The following LRBA variants were observed in gnomAD, a reference collection of about 807,000 sequenced individuals.
The protein encoded by LRBA is lipopolysaccharide-responsive and beige-like anchor protein.
LRBA carries 176 observed loss-of-function variants against 330.0 expected under a neutral mutation model. That is an observed-to-expected ratio of 0.53 (90% CI 0.47 to 0.60). The LOEUF is 0.60. LRBA is among the 20% of genes least tolerant of loss of function. The pLI, the probability that LRBA is intolerant of heterozygous loss-of-function variation, is 0.00. For missense variants in LRBA, 3,259 were observed against 3,444.8 expected (o/e 0.95, Z 1.35); for synonymous variants, 1,230 against 1,193.0 (o/e 1.03, Z -0.64).
chr4:150,298,486 A>C (rs920290804), intron 53 of LRBA, among the ~76,000 whole-genome samples: 4 of 152,106 alleles, frequency 2.6e-5, no homozygotes, highest in Non-Finnish European at 5.9e-5. Flanking sequence ...TAATGACTTA[A>C]GTGATTGATG....
chr4:150,294,757 A>G (rs369167323), intron 53 of LRBA, among the ~76,000 whole-genome samples: 7 of 152,108 alleles, frequency 4.6e-5, no homozygotes, highest in Admixed American at 6.5e-5. Context: ...TGAGACCATC[A>G]TGGCCAACAT....
intron 17 of LRBA, among the ~76,000 whole-genome samples, chr4:150,874,587 T>C (rs914456303): frequency 5.3e-5 from 8 of 152,212 alleles, no homozygotes; most frequent in African/African-American, 1.9e-4. Flanking sequence ...CAGAGGCAGC[T>C]TGGTGACCTG....
rs140276590 is a variant in LRBA, at chr4:150,970,556, T to TACACAC, written c.217-41497_217-41492dup. 3.6e-4 allele frequency: 15 copies of TACACAC among 41,688 alleles called. No individual in the cohort carries two copies. The South Asian group carries it at 6.8e-3, about 19-fold the overall frequency. The allele number at this position is 41,688 out of a possible 1,614,324, so 2.6% of individuals were successfully genotyped here. A position where few individuals can be genotyped will look rare whatever the true frequency, so the allele number is the denominator to read the frequency against. ...GTGTGTGTGTGTGTGTGTGTGTGTG[T>TACACAC]ACACACACACACACACACACACACA... On this transcript the variant is annotated intron_variant, in intron 2 of 56. Coordinates refer to ENST00000651943, the MANE Select transcript of LRBA (RefSeq NM_001364905.1).
chr4:150,768,326 C>G (rs1183068539), intron 34 of LRBA, among the ~76,000 whole-genome samples: 2 of 151,974 alleles, frequency 1.3e-5, no homozygotes, highest in Admixed American at 6.6e-5. Flanking sequence ...TCCAGAAAAG[C>G]TAGGAATTGA....
chr4:150,408,707 A>G (rs886783895), intron 47 of LRBA, among the ~76,000 whole-genome samples: 1 of 152,174 alleles, frequency 6.6e-6, no homozygotes, highest in African/African-American at 2.4e-5. Flanking sequence ...CTTAAAACAT[A>G]TAAGTGTAAT....
Position 150,908,338 on chromosome 4 carries a change from T to G in LRBA, c.1489A>C (p.Ile497Leu). The G allele has an allele frequency of 3.7e-6, 6 of 1,608,402 alleles. No individual in the cohort carries two copies. Among genetic ancestry groups the G allele is most frequent in the Non-Finnish European group, 4.2e-6 (5 of 1,178,844 alleles). Residue 497 changes from isoleucine (I) to leucine (L), a missense_variant, in exon 11 of 57, where the codon ATA becomes CTA. Ile to Leu is a conservative substitution (Grantham distance 5). Coordinates refer to ENST00000651943, the MANE Select transcript of LRBA (RefSeq NM_001364905.1). Reference protein sequence around the residue: ...QYLSDEIDLTICSTLLAFIME... With the variant: ...QYLSDEIDLTLCSTLLAFIME... ...GAAACAAATAAAGGCACTCACCATATAGTCAAATCAATCTCATCAGACAAA... is the reference window on the plus strand; with the variant it reads ...GAAACAAATAAAGGCACTCACCATAGAGTCAAATCAATCTCATCAGACAAA...
At chr4:150,834,362 T>A (rs1747669963) in intron 28 of LRBA, among the ~76,000 whole-genome samples, 1 of 152,198 alleles carries the variant, frequency 6.6e-6, no homozygotes, top group Non-Finnish European at 1.5e-5. Context: ...AAGAAGTATT[T>A]CTTAAATAGT....
chr4:150,534,612 A>G (rs1764443851), intron 40 of LRBA, among the ~76,000 whole-genome samples: 1 of 152,120 alleles, frequency 6.6e-6, no homozygotes, highest in East Asian at 1.9e-4. Context: ...AAACGTTTTT[A>G]GATACTTTTT....
At chr4:151,004,194 G>A (rs1743746994) in intron 2 of LRBA, among the ~76,000 whole-genome samples, 1 of 152,092 alleles carries the variant, frequency 6.6e-6, no homozygotes, top group African/African-American at 2.4e-5. Context: ...CTGCCACCAT[G>A]CCCGGCTAAT....
In LRBA at chr4:150,852,668, T is replaced by G. The variant is rs1033804040; in HGVS notation, c.3042A>C (p.Thr1014=). The change falls in exon 23 of 57, where the codon ACA becomes ACC. Residue 1014 remains threonine, a synonymous_variant. Transcript: ENST00000651943. ...ASNIELQTTN[T]SYEEMKAEQE... is the part of the protein sequence containing the mutation. ...GCTCAGCTTTCATTTCTTCATAAGA[T>G]GTATTAGTAGTTTGCAGTTCAATAT... The G allele has an allele frequency of 6.2e-7, 1 of 1,613,990 alleles. No homozygotes were observed. Among genetic ancestry groups the G allele is most frequent in the Non-Finnish European group, 8.5e-7 (1 of 1,179,992 alleles).
At chr4:150,803,865 TA>T (rs1578833011) in intron 33 of LRBA, among the ~76,000 whole-genome samples, 3 of 152,256 alleles carry the variant, frequency 2.0e-5, no homozygotes, top group Non-Finnish European at 4.4e-5. Context: ...CATTCTAAAT[TA>T]AATTTTGTTC....
chr4:150,867,802 T>C lies in LRBA; in HGVS notation c.2635A>G (p.Lys879Glu). 1 of 1,613,824 alleles carries C rather than the reference T, an allele frequency of 6.2e-7. No individual in the cohort carries two copies. The highest frequency in any genetic ancestry group is 8.5e-7 in the Non-Finnish European group (1 of 1,179,850). Reference protein sequence around the residue: ...WMLSLCYFNPKNSDEQKITEM... With the variant: ...WMLSLCYFNPENSDEQKITEM... ...GTTATCTTTTGCTCATCTGAATTCTTAGGATTAAAATAGCAGAGAGAAAGC... is the reference window on the plus strand; with the variant it reads ...GTTATCTTTTGCTCATCTGAATTCTCAGGATTAAAATAGCAGAGAGAAAGC... Residue 879 changes from lysine (K) to glutamate (E), a missense_variant, in exon 22 of 57, where the codon AAG becomes GAG. Lys to Glu is a moderately conservative substitution (Grantham distance 56). Coordinates refer to ENST00000651943, the MANE Select transcript of LRBA (RefSeq NM_001364905.1).
intron 40 of LRBA, among the ~76,000 whole-genome samples, chr4:150,538,801 T>G (rs1212009391): frequency 1.4e-5 from 2 of 143,462 alleles, no homozygotes; most frequent in East Asian, 2.0e-4. Context: ...GATTACAGAG[T>G]GAGGCCCTGT....
At chr4:150,957,022 G>A (rs373704953) in intron 2 of LRBA, among the ~76,000 whole-genome samples, 6 of 148,830 alleles carry the variant, frequency 4.0e-5, no homozygotes, top group South Asian at 2.1e-4. Flanking sequence ...GAGTGTGTGC[G>A]TGTGTGTGTA....
At chr4:150,836,128 G>A (rs1233719066) in intron 28 of LRBA, among the ~76,000 whole-genome samples, 1 of 152,178 alleles carries the variant, frequency 6.6e-6, no homozygotes, top group Non-Finnish European at 1.5e-5. Context: ...TGTTGAACCA[G>A]CCTTGCATCC....
chr4:150,602,549 T>C (rs1184079613), intron 37 of LRBA, among the ~76,000 whole-genome samples: 2 of 152,132 alleles, frequency 1.3e-5, no homozygotes, highest in Admixed American at 6.6e-5. Context: ...CAACAACACA[T>C]ACTCTCAGTA....
At position 150,572,121 on chromosome 4, in the gene LRBA, C is replaced by T. The variant is rs190096170; in HGVS notation, c.6330+15927G>A. Among the ~76,000 whole-genome samples the T allele has an allele frequency of 4.4e-4, 67 of 152,012 alleles. 1 individual carries two copies. The East Asian group carries it at 0.011, about 25-fold the overall frequency. The stretch of plus-strand genomic sequence containing the variant: ...TTGTATCTTTTTAAAATGTAAATAA[C>T]CACATGAAATGCTCTGAAAGCAAAA... On this transcript the variant is annotated intron_variant, in intron 40 of 56. Transcript: ENST00000651943.
chr4:150,754,385 G>A (rs1582247898), intron 35 of LRBA, among the ~76,000 whole-genome samples: 1 of 151,560 alleles, frequency 6.6e-6, no homozygotes, highest in African/African-American at 2.4e-5. Context: ...GCATATAAGA[G>A]CATATACTTT....
intron 28 of LRBA, among the ~76,000 whole-genome samples, chr4:150,835,537 A>G (rs1297182474): frequency 4.6e-5 from 7 of 152,010 alleles, no homozygotes; most frequent in Admixed American, 1.3e-4. Flanking sequence ...TGTAAGTTGG[A>G]TTCCTAGGTA....
Sources: allele counts gnomAD v4.1 joint callset (sites outside exome capture counted in the v4.1 genomes callset), GRCh38; gene constraint gnomAD v4.1.1; transcripts MANE v1.5; gene names NCBI Gene and HGNC (gene_info 2026-07-23, HGNC 2026-07-21).